The following RBFOX2 variants were observed in gnomAD, a reference collection of about 807,000 sequenced individuals.
RBFOX2 encodes the protein RNA binding protein fox-1 homolog 2.
In RBFOX2, 10 loss-of-function variants were observed where a neutral mutation model predicts 49.1. The observed-to-expected ratio is 0.20, with a 90% CI of 0.13 to 0.35. RBFOX2 has a LOEUF of 0.35. Among genes scored for constraint, RBFOX2 ranks in the 10% least tolerant of loss-of-function variants. The pLI is 1.00. For missense variants in RBFOX2, 323 were observed against 486.9 expected (o/e 0.66, Z 3.17); for synonymous variants, 183 against 187.4 (o/e 0.98, Z 0.19).
rs553222407 is a variant in RBFOX2 at position 35,776,457 on chromosome 22, T to A, written c.453+1568A>T. Among the ~76,000 whole-genome samples, 3 of 152,346 alleles carry A rather than the reference T, an allele frequency of 2.0e-5. No homozygotes were observed. In the South Asian group the frequency reaches 6.2e-4, roughly 32 times the overall value. ...TAGTCAGGATTAAACACTTTTAGTG[T>A]TGATACATTCTACAAAGGAAGGGAA... On this transcript the variant is annotated intron_variant, in intron 4 of 11. Transcript: ENST00000405409.
At chr22:35,780,063 C>T (rs1391644613) in intron 3 of RBFOX2, among the ~76,000 whole-genome samples, 1 of 152,120 alleles carries the variant, frequency 6.6e-6, no homozygotes, top group Non-Finnish European at 1.5e-5. Flanking sequence ...TTCTGCGTAA[C>T]CCAAGTCCTT....
intron 2 of RBFOX2, among the ~76,000 whole-genome samples, chr22:35,787,285 G>A (rs897846653): frequency 3.9e-5 from 6 of 152,072 alleles, no homozygotes; most frequent in African/African-American, 1.2e-4. Flanking sequence ...CGATCTGCCT[G>A]CCTCAGCCTC....
intron 1 of RBFOX2, among the ~76,000 whole-genome samples, chr22:35,853,453 G>A (rs189350170): frequency 6.6e-6 from 1 of 152,126 alleles, no homozygotes; most frequent in East Asian, 1.9e-4. Context: ...TTGAAAAGCA[G>A]TGCTCCAAAT....
chr22:35,881,088 C>A (rs2045825007), intron 1 of RBFOX2, among the ~76,000 whole-genome samples: 2 of 150,362 alleles, frequency 1.3e-5, no homozygotes, highest in Admixed American at 6.7e-5. Flanking sequence ...CATGGTGAAA[C>A]CCCGTCTCTA....
chr22:35,778,293 T>C (rs1255278175), intron 3 of RBFOX2, among the ~76,000 whole-genome samples: 1 of 152,224 alleles, frequency 6.6e-6, no homozygotes, highest in East Asian at 1.9e-4. Flanking sequence ...GAAGCTGTTG[T>C]CCAAAGTTAT....
At chr22:35,978,493 T>C (rs1322611224) in intron 1 of RBFOX2, among the ~76,000 whole-genome samples, 1 of 152,180 alleles carries the variant, frequency 6.6e-6, no homozygotes, top group Admixed American at 6.5e-5. Context: ...CTAATTACTA[T>C]CCTCCATTTA....
At chr22:35,840,073 C>A in intron 1 of RBFOX2, 1 of 1,338,572 alleles carries the variant, frequency 7.5e-7, no homozygotes, top group South Asian at 1.2e-5. Context: ...AACAATAAAT[C>A]TGGTCTGTTC....
chr22:36,013,790 G>T (rs1057124846), intron 1 of RBFOX2, among the ~76,000 whole-genome samples: 1 of 152,116 alleles, frequency 6.6e-6, no homozygotes, highest in Non-Finnish European at 1.5e-5. Flanking sequence ...GTGTCAAAAA[G>T]AAAGGAGGGG....
intron 9 of RBFOX2, among the ~76,000 whole-genome samples, chr22:35,755,239 T>G (rs1936510283): frequency 6.6e-6 from 1 of 152,218 alleles, no homozygotes; most frequent in Non-Finnish European, 1.5e-5. Context: ...AAATCAAGCT[T>G]GCATTCAGAA....
chr22:35,969,827 G>C (rs17725348), intron 1 of RBFOX2, among the ~76,000 whole-genome samples: 7,471 of 152,290 alleles, frequency 0.049, 255 homozygotes, highest in Middle Eastern at 0.088. Context: ...CTCAGAATGT[G>C]GAAGAATATG....
At chr22:35,837,318 C>G (rs1296910607) in intron 1 of RBFOX2, among the ~76,000 whole-genome samples, 1 of 152,122 alleles carries the variant, frequency 6.6e-6, no homozygotes, top group African/African-American at 2.4e-5. Context: ...TCTGAAGATG[C>G]AAAGAACCTA....
chr22:35,820,927 T>C (rs948285161), intron 1 of RBFOX2, among the ~76,000 whole-genome samples: 1 of 152,046 alleles, frequency 6.6e-6, no homozygotes, highest in Non-Finnish European at 1.5e-5. Context: ...CAGCGAGATA[T>C]AGACTGGGGG....
At chr22:36,028,609 A>G (rs187950463) in exon 1 of RBFOX2, among the ~76,000 whole-genome samples, 24,359 of 148,562 alleles carry the variant, frequency 0.16, 6,640 homozygotes, top group African/African-American at 0.56. Context: ...TCCTTGCCTG[A>G]CCGCTTGCTC....
intron 1 of RBFOX2, among the ~76,000 whole-genome samples, chr22:36,026,278 A>G (rs1361785905): frequency 8.5e-6 from 1 of 117,226 alleles, no homozygotes; most frequent in African/African-American, 4.9e-5. Flanking sequence ...AAGAGAATGT[A>G]TAGAAAGAAA....
chr22:36,023,064 CA>C (rs1311260492), intron 1 of RBFOX2, among the ~76,000 whole-genome samples: 1 of 150,906 alleles, frequency 6.6e-6, no homozygotes. Flanking sequence ...AAATTACTTG[CA>C]AGAAAAAAAA....
At chr22:35,891,228 G>A (rs2047202799) in intron 1 of RBFOX2, among the ~76,000 whole-genome samples, 1 of 151,880 alleles carries the variant, frequency 6.6e-6, no homozygotes, top group South Asian at 2.1e-4. Context: ...CCACCTCCCG[G>A]GTTCAAGCAA....
chr22:35,852,712 A>G (rs773015520), intron 1 of RBFOX2, among the ~76,000 whole-genome samples: 1 of 152,198 alleles, frequency 6.6e-6, no homozygotes, highest in Non-Finnish European at 1.5e-5. Flanking sequence ...GAAAATGATG[A>G]TATGTCTTAT....
chr22:35,999,214 C>T (rs1343538681), intron 1 of RBFOX2: 1 of 151,158 alleles, frequency 6.6e-6, no homozygotes, highest in Non-Finnish European at 1.5e-5. Context: ...ACCAAGACAA[C>T]AAGAAAAAAT....
chr22:35,929,842 G>C (rs998706242), intron 1 of RBFOX2, among the ~76,000 whole-genome samples: 2 of 151,942 alleles, frequency 1.3e-5, no homozygotes, highest in Non-Finnish European at 2.9e-5. Flanking sequence ...GGGGGAGAGA[G>C]GGAGGACTGG....
Sources: allele counts gnomAD v4.1 joint callset (sites outside exome capture counted in the v4.1 genomes callset), GRCh38; gene constraint gnomAD v4.1.1; transcripts MANE v1.5; gene names NCBI Gene and HGNC (gene_info 2026-07-23, HGNC 2026-07-21).